MFSD11: variants seen among roughly 807,000 people sequenced by gnomAD.
MFSD11 encodes UNC93-like protein MFSD11.
In MFSD11, 36 loss-of-function variants were observed where a neutral mutation model predicts 53.5. That is an observed-to-expected ratio of 0.67 (90% CI 0.52 to 0.89). MFSD11 has a LOEUF of 0.89. MFSD11 is among the 40% of genes least tolerant of loss of function. The pLI, the probability that MFSD11 is intolerant of heterozygous loss-of-function variation, is 0.00. For missense variants in MFSD11, 530 were observed against 543.9 expected, an observed-to-expected ratio of 0.97 and a Z score of 0.25; for synonymous variants, 186 against 184.9, an observed-to-expected ratio of 1.01 and a Z score of -0.05.
intron 8 of MFSD11, among the ~76,000 whole-genome samples, chr17:76,760,598 T>A (rs2080127154): frequency 6.6e-6 from 1 of 151,848 alleles, no homozygotes; most frequent in Non-Finnish European, 1.5e-5. Context: ...TGGCGCGATC[T>A]CGGCTCACTG....
rs145100983 is a variant in MFSD11 at position 76,775,007 on chromosome 17, C to G, written c.885C>G (p.Leu295=). 1 of 1,613,766 alleles carries G rather than the reference C, an allele frequency of 6.2e-7. No individual in the cohort carries two copies. Among genetic ancestry groups the G allele is most frequent in the African/African-American group, 1.3e-5 (1 of 75,034 alleles). Residue 295 remains leucine (L), a synonymous_variant, in exon 11 of 13, where the codon CTC becomes CTG. Coordinates refer to ENST00000685175, the MANE Select transcript of MFSD11 (RefSeq NM_001242532.5). ...IGIGEILGGS[L]FGLLSKNNRF... The stretch of plus-strand genomic sequence containing the variant: ...CATCTTGACTTATAGGTGGAAGCCT[C>G]TTCGGCCTGCTGAGCAAGAACAATC...
intron 8 of MFSD11, among the ~76,000 whole-genome samples, chr17:76,759,854 A>T (rs2080037696): frequency 7.4e-6 from 1 of 135,008 alleles, no homozygotes; most frequent in African/African-American, 2.8e-5. Context: ...ACCTCAAGTG[A>T]TCCACCCACC....
rs116392871 is a variant in MFSD11 at position 76,763,735 on chromosome 17, A to G, written c.683-3651A>G. ...ACAAACAAATGTTTTCTCCCGTTCT[A>G]TAGATTGACTTTTCATTTTCTTGAT... is the stretch of plus-strand genomic sequence containing the variant. On this transcript the variant is annotated intron_variant, in intron 8 of 12. Coordinates refer to ENST00000685175, the MANE Select transcript of MFSD11 (RefSeq NM_001242532.5). Among the ~76,000 whole-genome samples the G allele has an allele frequency of 1.5e-3, 221 of 152,186 alleles. 1 individual carries two copies. The highest frequency in any genetic ancestry group is 0.013 in the South Asian group (61 of 4,822).
downstream of MFSD11, among the ~76,000 whole-genome samples, chr17:76,783,710 C>T (rs765688132): frequency 6.6e-6 from 1 of 152,126 alleles, no homozygotes; most frequent in Non-Finnish European, 1.5e-5. Flanking sequence ...AGATGCCTGC[C>T]ACCACGCCCA....
chr17:76,753,974 GA>G, intron 7 of MFSD11, 72 bp from the exon 8 acceptor site: 1 of 1,300,622 alleles, frequency 7.7e-7, no homozygotes. Flanking sequence ...GAACGTAAAT[GA>G]AAATGTGATC....
chr17:76,737,312 A>T, upstream of MFSD11: 1 of 1,095,598 alleles, frequency 9.1e-7, no homozygotes, highest in South Asian at 1.8e-5. Context: ...TCCGCAGGCT[A>T]GCGCACCTGA....
chr17:76,752,461 A>T (rs1486710833), intron 7 of MFSD11, among the ~76,000 whole-genome samples: 1 of 147,266 alleles, frequency 6.8e-6, no homozygotes, highest in Non-Finnish European at 1.5e-5. Flanking sequence ...AAGTGGCGTG[A>T]TCTCAGTTTC....
intron 10 of MFSD11, among the ~76,000 whole-genome samples, chr17:76,772,143 C>T (rs2081418978): frequency 1.3e-5 from 2 of 151,968 alleles, no homozygotes; most frequent in African/African-American, 2.4e-5. Context: ...GAAAATAGGC[C>T]AGGCACAGTG....
chr17:76,768,990 A>G (rs1240125006), intron 9 of MFSD11, among the ~76,000 whole-genome samples: 6 of 151,684 alleles, frequency 4.0e-5, no homozygotes, highest in African/African-American at 1.5e-4. Flanking sequence ...TCTCTCAAAA[A>G]AAAAAAAAAA....
At chr17:76,790,037 A>G in the MFSD11 span, among the ~76,000 whole-genome samples, 10 of 148,388 alleles carry the variant, frequency 6.7e-5, 1 homozygote, top group Admixed American at 3.4e-4. Context: ...ATGTAAAATA[A>G]TTAGACAACT....
intron 10 of MFSD11, among the ~76,000 whole-genome samples, chr17:76,770,504 G>GCACC (rs2081297054): frequency 6.6e-6 from 1 of 152,150 alleles, no homozygotes; most frequent in African/African-American, 2.4e-5. Context: ...GTCACCAACT[G>GCACC]GGTGTCCAAC....
At chr17:76,737,464 T>G, upstream of MFSD11, 2 of 362,036 alleles carry the variant, frequency 5.5e-6, no homozygotes, top group Non-Finnish European at 5.0e-6. Context: ...GCCCCGCCCC[T>G]ACCCGAAGCG....
the MFSD11 span, among the ~76,000 whole-genome samples, chr17:76,788,417 G>A: frequency 1.3e-5 from 2 of 148,488 alleles, no homozygotes; most frequent in African/African-American, 4.9e-5. Context: ...CCAAGCTGGA[G>A]TGCAATGGCA....
Position 76,778,308 on chromosome 17 carries a change from G to A in MFSD11, c.1306G>A (p.Ala436Thr), listed in dbSNP as rs2082026698. Residue 436 changes from alanine to threonine, a missense_variant, in exon 13 of 13, where the codon GCT becomes ACT. Physicochemically the swap from Ala to Thr is moderately conservative, Grantham distance 58. Coordinates refer to ENST00000685175, the MANE Select transcript of MFSD11 (RefSeq NM_001242532.5). ...TTCTTTCTTCACTGTGGAATGGGAA[G>A]CTGCCGCCTTTGTAGCCCGCGGCTC... ...TISFFTVEWE[A>T]AAFVARGSDY... The A allele has an allele frequency of 6.2e-7, 1 of 1,614,210 alleles. No individual in the cohort carries two copies. The highest frequency in any genetic ancestry group is 8.5e-7 in the Non-Finnish European group (1 of 1,180,050).
At chr17:76,741,579 G>A (rs1658027666) in intron 3 of MFSD11, among the ~76,000 whole-genome samples, 1 of 152,184 alleles carries the variant, frequency 6.6e-6, no homozygotes, top group Admixed American at 6.5e-5. Flanking sequence ...GGGTCCAGGA[G>A]TTCGAGACCA....
intron 10 of MFSD11, among the ~76,000 whole-genome samples, chr17:76,772,674 C>T (rs538553366): frequency 5.1e-4 from 78 of 151,850 alleles, no homozygotes; most frequent in African/African-American, 1.7e-3. Context: ...ACCGCTACCA[C>T]GCCTGGCTAA....
intron 5 of MFSD11, among the ~76,000 whole-genome samples, chr17:76,742,648 G>A (rs1385973875): frequency 3.3e-5 from 5 of 151,904 alleles, no homozygotes; most frequent in African/African-American, 1.2e-4. Context: ...GATTACAGGC[G>A]CCCACCACCA....
At chr17:76,778,155 G>A (rs2144957740) in intron 12 of MFSD11, 33 bp from the exon 13 acceptor site, 1 of 1,612,878 alleles carries the variant, frequency 6.2e-7, no homozygotes, top group Middle Eastern at 1.7e-4. Flanking sequence ...GGCCCCCGGT[G>A]CGCCCGTTGT....
chr17:76,767,705 A>G (rs937179776), intron 9 of MFSD11, among the ~76,000 whole-genome samples: 1 of 152,202 alleles, frequency 6.6e-6, no homozygotes, highest in Admixed American at 6.5e-5. Flanking sequence ...CCCCCTCCAT[A>G]AGATCACCTT....
Sources: gnomAD v4.1 joint callset for allele counts (sites outside exome capture counted in the v4.1 genomes callset) on GRCh38, gnomAD v4.1.1 for gene constraint, MANE v1.5 for transcripts, NCBI Gene and HGNC (gene_info 2026-07-23, HGNC 2026-07-21) for gene names.